The following HDLBP variants were observed in gnomAD, a reference collection of about 807,000 sequenced individuals.
HDLBP encodes the protein high density lipoprotein binding protein.
In HDLBP, 30 loss-of-function variants were observed where a neutral mutation model predicts 137.3. The ratio of observed to expected loss-of-function variants is 0.22; its 90% confidence interval spans 0.16 to 0.30. HDLBP has a LOEUF of 0.30. Ranked by LOEUF, HDLBP falls within the 10% of genes least tolerant of loss-of-function variation. The pLI, the probability that HDLBP is intolerant of heterozygous loss-of-function variation, is 1.00. For missense variants in HDLBP, 1,119 were observed against 1,667.3 expected (o/e 0.67, Z 5.73); for synonymous variants, 606 against 596.0 (o/e 1.02, Z -0.24).
Position 241,256,413 on chromosome 2 carries a change from G to A in HDLBP, c.658-14C>T, listed in dbSNP as rs769936836. On this transcript the variant is annotated splice_polypyrimidine_tract_variant and intron_variant, in intron 6 of 27. Coordinates refer to ENST00000310931, the MANE Select transcript of HDLBP (RefSeq NM_005336.6). ...AGCACGTTTGTCCTGGAAAGGAAGGGATGATCTGATGAGAACAGGCCTTTG... is the reference window on the plus strand; with the variant it reads ...AGCACGTTTGTCCTGGAAAGGAAGGAATGATCTGATGAGAACAGGCCTTTG... 9 of 1,590,934 alleles carry A rather than the reference G, an allele frequency of 5.7e-6. No homozygotes were observed. Among genetic ancestry groups the A allele is most frequent in the African/African-American group, 2.7e-5 (2 of 74,572 alleles).
At chr2:241,306,198 G>A (rs573418866) in intron 1 of HDLBP, among the ~76,000 whole-genome samples, 2 of 151,292 alleles carry the variant, frequency 1.3e-5, no homozygotes, top group African/African-American at 4.9e-5. Context: ...GATAAACTGA[G>A]TTACCCAGGT....
intron 20 of HDLBP, among the ~76,000 whole-genome samples, chr2:241,237,030 T>C (rs1229748424): frequency 6.7e-6 from 1 of 150,242 alleles, no homozygotes; most frequent in East Asian, 1.9e-4. Context: ...CCGTGAGCTC[T>C]GTGTCTCCCT....
intron 16 of HDLBP, among the ~76,000 whole-genome samples, chr2:241,244,725 A>G (rs896427492): frequency 2.6e-5 from 4 of 152,236 alleles, no homozygotes; most frequent in African/African-American, 9.6e-5. Flanking sequence ...TCACGCCAAG[A>G]AATGAAGAGC....
chr2:241,270,343 CTATACT>C (rs2073958770), intron 1 of HDLBP, among the ~76,000 whole-genome samples: 2 of 152,202 alleles, frequency 1.3e-5, no homozygotes, highest in East Asian at 3.8e-4. Context: ...GTTTGACAGG[CTATACT>C]GGGTCCCTAG....
intron 1 of HDLBP, among the ~76,000 whole-genome samples, chr2:241,281,256 A>G (rs1437088331): frequency 6.6e-6 from 1 of 152,174 alleles, no homozygotes; most frequent in African/African-American, 2.4e-5. Flanking sequence ...CGGGAGGCTG[A>G]GGTGGGAGAA....
Position 241,229,691 on chromosome 2 carries a change from T to C in HDLBP, c.3721-4A>G, listed in dbSNP as rs1166682135. The C allele has an allele frequency of 3.1e-6, 5 of 1,613,974 alleles. No homozygotes were observed. The highest frequency in any genetic ancestry group is 2.2e-5 in the East Asian group (1 of 44,878). ...CAGAGCTGCTCATGTCAGGAGCCTG[T>C]GCAGAGAGAGGACACGGCTTCAGGA... On this transcript the variant is annotated splice_region_variant and splice_polypyrimidine_tract_variant and intron_variant, in intron 27 of 27. Transcript: ENST00000310931.
At chr2:241,277,723 AGGCCGAGGCGGGC>A (rs1238009298) in intron 1 of HDLBP, among the ~76,000 whole-genome samples, 1 of 152,240 alleles carries the variant, frequency 6.6e-6, no homozygotes, top group Admixed American at 6.5e-5. Context: ...GCACTTTGGG[AGGCCGAGGCGGGC>A]GGATCACCTG....
chr2:241,272,249 G>A lies in HDLBP; in HGVS notation c.-102-3708C>T. ...TCTGCGCCCAGACCCCCGCCCCGCC[G>A]CCACCTGGGGGGAAGGACCCCGCTG... On this transcript the variant is annotated intron_variant, in intron 1 of 27. Transcript: ENST00000310931. The surrounding 1 kb of genome is among the most constrained non-coding windows in gnomAD (Gnocchi z 5.6). 1.0e-6 allele frequency: 1 copy of A among 963,464 alleles called. No homozygotes were observed. Among genetic ancestry groups the A allele is most frequent in the Non-Finnish European group, 1.2e-6 (1 of 810,406 alleles). The allele number at this position is 963,464 out of a possible 1,614,324, so 59.7% of individuals were successfully genotyped here.
chr2:241,294,587 A>T (rs2075113862), intron 1 of HDLBP, among the ~76,000 whole-genome samples: 1 of 152,108 alleles, frequency 6.6e-6, no homozygotes, highest in Non-Finnish European at 1.5e-5. Context: ...CAGACTCCTA[A>T]GGCGCTGCGA....
At chr2:241,288,086 T>C (rs1397089575) in intron 1 of HDLBP, among the ~76,000 whole-genome samples, 1 of 152,236 alleles carries the variant, frequency 6.6e-6, no homozygotes, top group African/African-American at 2.4e-5. Context: ...TGAGGCTCTT[T>C]ACTTTTCAAC....
chr2:241,283,600 G>A (rs954738875), intron 1 of HDLBP, among the ~76,000 whole-genome samples: 7 of 151,614 alleles, frequency 4.6e-5, no homozygotes, highest in Non-Finnish European at 7.4e-5. Context: ...TCAGCCTCCC[G>A]AGTAGCTGGG....
chr2:241,301,499 G>A (rs1039451792), intron 1 of HDLBP, among the ~76,000 whole-genome samples: 1 of 152,178 alleles, frequency 6.6e-6, no homozygotes, highest in African/African-American at 2.4e-5. Context: ...TTCGGATGAT[G>A]CAGTGTATTT....
At chr2:241,290,695 T>C (rs2074987497) in intron 1 of HDLBP, among the ~76,000 whole-genome samples, 2 of 152,046 alleles carry the variant, frequency 1.3e-5, no homozygotes, top group South Asian at 2.1e-4. Flanking sequence ...TATGAGTGAG[T>C]TCAGTTAGTG....
intron 16 of HDLBP, among the ~76,000 whole-genome samples, chr2:241,244,465 G>A (rs567422628): frequency 5.9e-5 from 9 of 152,284 alleles, no homozygotes; most frequent in Admixed American, 5.9e-4. Flanking sequence ...GGTTTGTCAT[G>A]GACAGAGGAA....
intron 5 of HDLBP, among the ~76,000 whole-genome samples, chr2:241,258,465 G>A (rs777523370): frequency 8.6e-5 from 13 of 151,892 alleles, no homozygotes; most frequent in East Asian, 1.9e-4. Context: ...TTGAGGCTCC[G>A]GTGAGCCGTG....
In HDLBP at chr2:241,236,672, G is replaced by A; in HGVS notation, c.2847C>T (p.Asp949=). The change falls in exon 21 of 28, where the codon GAC becomes GAT. Residue 949 remains aspartate, a synonymous_variant. Transcript: ENST00000310931. The part of the protein sequence containing the change: ...DCDPGSPRRC[D]IIIISGRKEK... ...CTTTCCGGCCAGAGATGATGATGAT[G>A]TCACACCTCCTTGGAGAGCCGGGGT... 1 of 1,613,940 alleles carries A rather than the reference G, an allele frequency of 6.2e-7. No homozygotes were observed. The highest frequency in any genetic ancestry group is 1.7e-5 in the Admixed American group (1 of 60,016).
rs146525328 is a variant in HDLBP, at chr2:241,263,551, A to T, written c.235-625T>A. On this transcript the variant is annotated intron_variant, in intron 4 of 27. Transcript: ENST00000310931. The stretch of plus-strand genomic sequence containing the variant: ...ACAGTCACCAAGTAGACAGTGGTAC[A>T]TTTAACAAAACCATTAACAAGATAG... Among the ~76,000 whole-genome samples, 15 of 152,322 alleles carry T rather than the reference A, an allele frequency of 9.8e-5. No homozygotes were observed. The East Asian group carries it at 2.7e-3, about 27-fold the overall frequency.
rs1439233253 is a variant in HDLBP at position 241,248,009 on chromosome 2, T to C, written c.1725A>G (p.Ala575=). ...GGATGTGAAACACCCCTACCAGATC[T>C]GCCACCATCTTCTGCATGTATTTTG... ...KCTKYMQKMV[A]DLVENSYSIS... is the part of the protein sequence containing the mutation. The change falls in exon 14 of 28, where the codon GCA becomes GCG. Residue 575 remains alanine, a synonymous_variant. Transcript: ENST00000310931. 2 of 1,610,430 alleles carry C rather than the reference T, an allele frequency of 1.2e-6. No homozygotes were observed. Among genetic ancestry groups the C allele is most frequent in the South Asian group, 1.1e-5 (1 of 90,988 alleles).
intron 9 of HDLBP, 73 bp downstream of exon 9, chr2:241,254,978 C>A (rs2072496739): frequency 5.0e-6 from 6 of 1,204,720 alleles, no homozygotes; most frequent in East Asian, 4.7e-5. Context: ...CAAAGGTCAA[C>A]AAAGCAATAT....
Sources: gnomAD v4.1 joint callset for allele counts (sites outside exome capture counted in the v4.1 genomes callset) on GRCh38, gnomAD v4.1.1 for gene constraint, Gnocchi (gnomAD v3.1) non-coding constraint, MANE v1.5 for transcripts, NCBI Gene and HGNC (gene_info 2026-07-23, HGNC 2026-07-21) for gene names.